NKAIN3: variants seen among roughly 807,000 people sequenced by gnomAD.
The protein encoded by NKAIN3 is sodium/potassium transporting ATPase interacting 3.
A neutral mutation model predicts 30.2 loss-of-function variants in NKAIN3; 25 were observed. The observed-to-expected ratio is 0.83, with a 90% CI of 0.60 to 1.16. NKAIN3 has a LOEUF of 1.16. Among genes scored for constraint, NKAIN3 ranks in the 50% most tolerant of loss-of-function variants. NKAIN3 has a pLI of 0.00. For synonymous variants in NKAIN3, 91 were observed against 89.6 expected (o/e 1.02, Z -0.09); for missense variants, 225 against 254.1 (o/e 0.89, Z 0.78).
chr8:62,627,311 C>T (rs554987851), intron 3 of NKAIN3, among the ~76,000 whole-genome samples: 10 of 152,224 alleles, frequency 6.6e-5, no homozygotes, highest in African/African-American at 1.9e-4. Context: ...TTATTTACTA[C>T]ACTGATGCAA....
rs35150872 is a variant in NKAIN3 at position 62,965,620 on chromosome 8, TA to T, written c.*229del. On this transcript the variant is annotated 3_prime_UTR_variant, in exon 7 of 7. Coordinates refer to ENST00000623646, the MANE Select transcript of NKAIN3 (RefSeq NM_001304533.3). ...TTCTTATATGAACACTTGTAAGTTG[TA>T]AAAAAAAAAAAAAAAGAAAAAACAG... 111,395 of 860,662 alleles carry T rather than the reference TA, an allele frequency of 0.13. 594 individuals carry two copies. The highest frequency in any genetic ancestry group is 0.27 in the East Asian group (2,187 of 8,024). 53.3% of individuals were successfully genotyped at this position (860,662 alleles called of 1,614,324 possible). A position where few individuals can be genotyped will look rare whatever the true frequency, so the allele number is the denominator to read the frequency against.
intron 4 of NKAIN3, among the ~76,000 whole-genome samples, chr8:62,779,813 G>C (rs1817301895): frequency 6.6e-6 from 1 of 151,962 alleles, no homozygotes; most frequent in Admixed American, 6.6e-5. Flanking sequence ...AGTGGTAAAA[G>C]GGAAATTTAT....
intron 1 of NKAIN3, among the ~76,000 whole-genome samples, chr8:62,359,168 C>T (rs1285652657): frequency 2.6e-5 from 4 of 152,086 alleles, no homozygotes; most frequent in Admixed American, 6.6e-5. Context: ...GGTGACAGAG[C>T]GAGACTCCGT....
intron 1 of NKAIN3, among the ~76,000 whole-genome samples, chr8:62,458,287 G>A (rs900540415): frequency 3.9e-5 from 6 of 152,170 alleles, no homozygotes; most frequent in Non-Finnish European, 8.8e-5. Context: ...AGTAAGGAAA[G>A]CTATAAAAAG....
At chr8:62,899,886 A>G (rs1194387534) in intron 4 of NKAIN3, among the ~76,000 whole-genome samples, 2 of 152,266 alleles carry the variant, frequency 1.3e-5, no homozygotes, top group East Asian at 3.9e-4. Flanking sequence ...ATACCCACAA[A>G]GAGATATAAA....
In NKAIN3 at chr8:62,413,866, A is replaced by C. The variant is rs182117155; in HGVS notation, c.54+164739A>C. Among the ~76,000 whole-genome samples, 257 of 152,218 alleles carry C rather than the reference A, an allele frequency of 1.7e-3. 1 individual carries two copies. Among genetic ancestry groups the C allele is most frequent in the Admixed American group, 5.5e-3 (84 of 15,288 alleles). On this transcript the variant is annotated intron_variant, in intron 1 of 6. Transcript: ENST00000623646. ...TTCTTATTCTAATTCCAAAATATTT[A>C]ATTTTATTGCCATATGCTTTCACAG...
rs114456892 is a variant in NKAIN3, at chr8:62,311,259, G to A, written c.54+62132G>A. Among the ~76,000 whole-genome samples, 619 of 150,418 alleles carry A rather than the reference G, an allele frequency of 4.1e-3. 64 individuals are homozygous for A. The highest frequency in any genetic ancestry group is 0.015 in the African/African-American group (594 of 39,856). On this transcript the variant is annotated intron_variant, in intron 1 of 6. Transcript: ENST00000623646. Reference sequence around the variant, plus strand: ...TATATATATTTTGGTAAGGAGATAGGCACAGCAGAGACGGGTACTGGGTAA... The same window carrying A: ...TATATATATTTTGGTAAGGAGATAGACACAGCAGAGACGGGTACTGGGTAA...
At chr8:62,287,658 A>G (rs911597481) in intron 1 of NKAIN3, among the ~76,000 whole-genome samples, 1 of 152,090 alleles carries the variant, frequency 6.6e-6, no homozygotes, top group Non-Finnish European at 1.5e-5. Flanking sequence ...TGTAAAATAA[A>G]ATTTCTCTTA....
intron 3 of NKAIN3, among the ~76,000 whole-genome samples, chr8:62,703,494 T>G (rs1814412362): frequency 6.6e-6 from 1 of 152,208 alleles, no homozygotes; most frequent in Non-Finnish European, 1.5e-5. Context: ...TTAACCAATT[T>G]TATTCCAATT....
In NKAIN3 at chr8:62,291,163, AT is replaced by A. The variant is rs543605969; in HGVS notation, c.54+42040del. 2.6e-3 allele frequency among the ~76,000 whole-genome samples: 398 copies of A among 152,018 alleles called. 1 individual carries two copies. Among genetic ancestry groups the A allele is most frequent in the African/African-American group, 9.2e-3 (380 of 41,462 alleles). Reference sequence around the variant, plus strand: ...TATTAGTCTTGCTAGCAGTCCATCAATTTTGTTGATCTTTTCAAAAAACCAG... The same window carrying A: ...TATTAGTCTTGCTAGCAGTCCATCAATTTGTTGATCTTTTCAAAAAACCAG... On this transcript the variant is annotated intron_variant, in intron 1 of 6. Transcript: ENST00000623646.
chr8:62,694,372 C>CA (rs1403784596), intron 3 of NKAIN3, among the ~76,000 whole-genome samples: 2 of 151,918 alleles, frequency 1.3e-5, no homozygotes, highest in African/African-American at 4.8e-5. Context: ...CATTCAGCCA[C>CA]AAAAAAAGAC....
intron 4 of NKAIN3, among the ~76,000 whole-genome samples, chr8:62,890,554 C>G (rs1040910407): frequency 6.6e-6 from 1 of 152,192 alleles, no homozygotes; most frequent in Non-Finnish European, 1.5e-5. Context: ...TTCCTCTGTG[C>G]TCCTTATACA....
intron 1 of NKAIN3, among the ~76,000 whole-genome samples, chr8:62,426,917 G>T (rs1006869680): frequency 6.6e-6 from 1 of 151,998 alleles, no homozygotes; most frequent in African/African-American, 2.4e-5. Context: ...ATGTGGATAA[G>T]GTGGAAACAT....
chr8:62,307,346 CCTT>C (rs1814280450), intron 1 of NKAIN3, among the ~76,000 whole-genome samples: 1 of 149,586 alleles, frequency 6.7e-6, no homozygotes, highest in Non-Finnish European at 1.5e-5. Flanking sequence ...CCTTGTCTCT[CCTT>C]CTTTCCTCTC....
chr8:62,937,695 G>T (rs58437381), intron 5 of NKAIN3, among the ~76,000 whole-genome samples: 1,894 of 152,034 alleles, frequency 0.012, 50 homozygotes, highest in African/African-American at 0.044. Context: ...AATCTGTAGT[G>T]GGGGGGCAAA....
At chr8:62,466,246 T>A (rs539411555) in intron 1 of NKAIN3, among the ~76,000 whole-genome samples, 2 of 152,282 alleles carry the variant, frequency 1.3e-5, no homozygotes, top group African/African-American at 4.8e-5. Flanking sequence ...TTTCCTCAAG[T>A]AATAGTTTAA....
At chr8:62,490,191 A>T (rs1807024460) in intron 1 of NKAIN3, among the ~76,000 whole-genome samples, 1 of 152,214 alleles carries the variant, frequency 6.6e-6, no homozygotes, top group African/African-American at 2.4e-5. Context: ...ATTAAAGTTC[A>T]TAACCAGTTG....
intron 1 of NKAIN3, among the ~76,000 whole-genome samples, chr8:62,349,591 C>T (rs1816118660): frequency 6.6e-6 from 1 of 152,112 alleles, no homozygotes; most frequent in South Asian, 2.1e-4. Flanking sequence ...TGGGTACAGA[C>T]AGTAAAGCAT....
chr8:62,907,303 A>G (rs536886497), intron 4 of NKAIN3, among the ~76,000 whole-genome samples: 42 of 152,318 alleles, frequency 2.8e-4, no homozygotes, highest in African/African-American at 9.9e-4. Flanking sequence ...ATGTATTAAT[A>G]AAGATATGGT....
Sources: allele counts gnomAD v4.1 joint callset (sites outside exome capture counted in the v4.1 genomes callset), GRCh38; gene constraint gnomAD v4.1.1; transcripts MANE v1.5; gene names NCBI Gene and HGNC (gene_info 2026-07-23, HGNC 2026-07-21).